Variants in STAG1 observed in about 807,000 individuals in gnomAD.
STAG1 encodes STAG1 cohesin complex component, also known as cohesin subunit SA-1.
In STAG1, 26 loss-of-function variants were observed where a neutral mutation model predicts 170.9. The observed-to-expected ratio is 0.15, with a 90% confidence interval of 0.11 to 0.21. STAG1 has a LOEUF of 0.21. Ranked by LOEUF, STAG1 falls within the 10% of genes least tolerant of loss-of-function variation. STAG1 has a pLI of 1.00. For synonymous variants in STAG1, 514 were observed against 497.7 expected, an observed-to-expected ratio of 1.03 and a Z score of -0.44; for missense variants, 964 against 1,509.5, an observed-to-expected ratio of 0.64 and a Z score of 5.99.
At chr3:136,608,172 G>A (rs1464713757) in intron 3 of STAG1, among the ~76,000 whole-genome samples, 2 of 151,906 alleles carry the variant, frequency 1.3e-5, no homozygotes, top group Middle Eastern at 3.4e-3. Flanking sequence ...CGGGAGAATC[G>A]CTTGAACCTA....
chr3:136,468,119 A>G (rs887716896), intron 12 of STAG1, among the ~76,000 whole-genome samples: 3 of 152,194 alleles, frequency 2.0e-5, no homozygotes, highest in Non-Finnish European at 4.4e-5. Context: ...GAGCAAACAC[A>G]TTCTAAAGCT....
chr3:136,710,627 C>A (rs910999261), intron 1 of STAG1, among the ~76,000 whole-genome samples: 1 of 152,098 alleles, frequency 6.6e-6, no homozygotes, highest in East Asian at 1.9e-4. Context: ...GCCCCTCCCC[C>A]CTCCAACCAT....
At chr3:136,668,985 G>A (rs1941899276) in intron 1 of STAG1, among the ~76,000 whole-genome samples, 1 of 152,176 alleles carries the variant, frequency 6.6e-6, no homozygotes, top group South Asian at 2.1e-4. Flanking sequence ...CTTCTTCAGT[G>A]GTACCTCCAA....
At chr3:136,403,452 A>C (rs1470196109) in intron 21 of STAG1, among the ~76,000 whole-genome samples, 1 of 151,942 alleles carries the variant, frequency 6.6e-6, no homozygotes, top group East Asian at 1.9e-4. Flanking sequence ...AGTGCTAAAA[A>C]AATTACCCTA....
At chr3:136,727,637 C>G (rs1933762827) in intron 1 of STAG1, among the ~76,000 whole-genome samples, 1 of 152,242 alleles carries the variant, frequency 6.6e-6, no homozygotes, top group South Asian at 2.1e-4. Flanking sequence ...TTTTGGGTCT[C>G]TAGGAACACA....
chr3:136,485,700 T>G (rs1468093458), intron 9 of STAG1, among the ~76,000 whole-genome samples: 3 of 152,230 alleles, frequency 2.0e-5, no homozygotes, highest in Non-Finnish European at 1.5e-5. Context: ...ATGACTGTCC[T>G]TGATTCAGTG....
chr3:136,369,001 A>G lies in STAG1; in HGVS notation c.2545+107T>C. ...CCACTGCACCTGGCCAACTTTTTTA[A>G]AAGAAAGAAATCTCGATAATTTTTA... On this transcript the variant is annotated intron_variant, in intron 24 of 33. Transcript: ENST00000383202. 3 of 1,152,662 alleles carry G rather than the reference A, an allele frequency of 2.6e-6. No homozygotes were observed. The South Asian group carries it at 6.9e-5, about 26-fold the overall frequency. 71.4% of individuals were successfully genotyped at this position (1,152,662 alleles called of 1,614,324 possible). A position where few individuals can be genotyped will look rare whatever the true frequency, so the allele number is the denominator to read the frequency against.
chr3:136,413,942 G>A (rs567610218), intron 21 of STAG1, among the ~76,000 whole-genome samples: 144 of 152,258 alleles, frequency 9.5e-4, no homozygotes, highest in African/African-American at 3.3e-3. Flanking sequence ...CTTTGGTTTC[G>A]CAGTGCATAT....
intron 4 of STAG1, among the ~76,000 whole-genome samples, chr3:136,587,562 G>T (rs1416302600): frequency 9.5e-6 from 1 of 105,474 alleles, no homozygotes; most frequent in African/African-American, 3.3e-5. Context: ...AAAAAAAAAA[G>T]CAATTTATAG....
At chr3:136,629,580 C>T (rs927314397) in intron 2 of STAG1, among the ~76,000 whole-genome samples, 5 of 151,510 alleles carry the variant, frequency 3.3e-5, no homozygotes, top group African/African-American at 9.7e-5. Flanking sequence ...TCCCATATGT[C>T]GGCGAAAGGA....
chr3:136,502,860 T>A, intron 7 of STAG1, 81 bp from the exon 8 acceptor site: 1 of 1,121,470 alleles, frequency 8.9e-7, no homozygotes. Flanking sequence ...AGCCAATGGA[T>A]GAAGAAATGA....
At chr3:136,377,892 T>G in intron 22 of STAG1, 140 bp from the exon 23 acceptor site, 1 of 667,610 alleles carries the variant, frequency 1.5e-6, no homozygotes, top group Non-Finnish European at 2.6e-6. Context: ...TGGGAACCAT[T>G]TAATGTAGTC....
At chr3:136,544,020 C>T (rs1430981183) in intron 5 of STAG1, among the ~76,000 whole-genome samples, 4 of 152,072 alleles carry the variant, frequency 2.6e-5, no homozygotes. Context: ...TTTCAAGAGA[C>T]GAGCTACCTC....
In STAG1 at chr3:136,648,378, A is replaced by G. The variant is rs749893308; in HGVS notation, c.-83-17397T>C. Among the ~76,000 whole-genome samples the G allele has an allele frequency of 2.6e-4, 40 of 152,318 alleles. 1 individual carries two copies. The highest frequency in any genetic ancestry group is 3.4e-3 in the Middle Eastern group (1 of 294). ...ATGTGATGTACCCTTTAGTTATGTTAGGTAGTAAAAAGGTTGTTAACATTA... is the reference window on the plus strand; with the variant it reads ...ATGTGATGTACCCTTTAGTTATGTTGGGTAGTAAAAAGGTTGTTAACATTA... On this transcript the variant is annotated intron_variant, in intron 1 of 33. Transcript: ENST00000383202.
chr3:136,393,220 A>G (rs1341488726), intron 22 of STAG1, among the ~76,000 whole-genome samples: 3 of 152,228 alleles, frequency 2.0e-5, no homozygotes, highest in African/African-American at 7.2e-5. Context: ...AGTATCTACC[A>G]TACTACATTT....
At chr3:136,501,757 C>G (rs1489532391) in intron 8 of STAG1, among the ~76,000 whole-genome samples, 1 of 151,994 alleles carries the variant, frequency 6.6e-6, no homozygotes, top group Non-Finnish European at 1.5e-5. Context: ...TATTATAAAC[C>G]CATTAAGTTA....
chr3:136,662,027 C>T (rs977446825), intron 1 of STAG1, among the ~76,000 whole-genome samples: 1 of 152,186 alleles, frequency 6.6e-6, no homozygotes, highest in African/African-American at 2.4e-5. Context: ...TACTATCCTT[C>T]ATCCTAATAA....
At position 136,622,436 on chromosome 3, in the gene STAG1, G is replaced by A. The variant is rs984893621; in HGVS notation, c.132+710C>T. Among the ~76,000 whole-genome samples the A allele has an allele frequency of 2.9e-4, 44 of 152,132 alleles. 1 individual carries two copies. Among genetic ancestry groups the A allele is most frequent in the African/African-American group, 1.0e-3 (42 of 41,516 alleles). On this transcript the variant is annotated intron_variant, in intron 3 of 33. Transcript: ENST00000383202. ...CATAGGATGGAAAAAAAGGAGGAGG[G>A]GTGATGAGATGAAACAAGATTGGTC...
intron 1 of STAG1, among the ~76,000 whole-genome samples, chr3:136,699,032 G>C (rs1213395611): frequency 6.6e-6 from 1 of 152,094 alleles, no homozygotes; most frequent in African/African-American, 2.4e-5. Flanking sequence ...AAAGGCGTAA[G>C]AATGATATAA....
Sources: allele counts gnomAD v4.1 joint callset (sites outside exome capture counted in the v4.1 genomes callset), GRCh38; gene constraint gnomAD v4.1.1; transcripts MANE v1.5; gene names NCBI Gene and HGNC (gene_info 2026-07-23, HGNC 2026-07-21).